AFF3: variants seen among roughly 807,000 people sequenced by gnomAD.
AFF3 encodes AF4/FMR2 family member 3.
AFF3 carries 32 observed loss-of-function variants against 129.7 expected under a neutral mutation model. That is an observed-to-expected ratio of 0.25 (90% CI 0.19 to 0.33). The LOEUF is 0.33. AFF3 is among the 10% of genes least tolerant of loss of function. The pLI is 1.00. For synonymous variants in AFF3, 644 were observed against 635.4 expected (o/e 1.01, Z -0.20); for missense variants, 1,373 against 1,592.0 (o/e 0.86, Z 2.34).
At chr2:99,706,945 G>C (rs1328757144) in intron 11 of AFF3, among the ~76,000 whole-genome samples, 1 of 152,104 alleles carries the variant, frequency 6.6e-6, no homozygotes, top group Non-Finnish European at 1.5e-5. Flanking sequence ...TAAAGTTTAC[G>C]GCACAGACAG....
chr2:99,620,178 T>C (rs532092686), intron 13 of AFF3, among the ~76,000 whole-genome samples: 1 of 152,176 alleles, frequency 6.6e-6, no homozygotes, highest in Non-Finnish European at 1.5e-5. Flanking sequence ...GAGAGAGGCA[T>C]TGGGCCTAGG....
At chr2:99,990,211 TA>T (rs147118485) in intron 7 of AFF3, among the ~76,000 whole-genome samples, 1,985 of 152,244 alleles carry the variant, frequency 0.013, 54 homozygotes, top group African/African-American at 0.045. Context: ...GGCCACTACT[TA>T]ATTGAATATA....
At chr2:99,661,302 C>T (rs569720576) in intron 12 of AFF3, among the ~76,000 whole-genome samples, 1 of 152,330 alleles carries the variant, frequency 6.6e-6, no homozygotes, top group South Asian at 2.1e-4. Flanking sequence ...TGCCTAACCC[C>T]TCTCCTGGCT....
chr2:99,757,103 C>T (rs1372205099), intron 8 of AFF3, among the ~76,000 whole-genome samples: 1 of 152,204 alleles, frequency 6.6e-6, no homozygotes, highest in South Asian at 2.1e-4. Flanking sequence ...AACTTCTTTT[C>T]TCTCACTGTT....
rs138373633 is a variant in AFF3 at position 99,916,434 on chromosome 2, G to A, written c.874-78910C>T. On this transcript the variant is annotated intron_variant, in intron 7 of 24. Transcript: ENST00000672756. ...GGAGGTCAGGGGATCTACATGCCTC[G>A]CCTCCTGCCATGTCCGCAACACCTA... Among the ~76,000 whole-genome samples the A allele has an allele frequency of 8.7e-3, 1,319 of 152,066 alleles. 21 individuals carry two copies. The highest frequency in any genetic ancestry group is 0.03 in the African/African-American group (1,231 of 41,460).
intron 2 of AFF3, among the ~76,000 whole-genome samples, chr2:100,119,323 C>A (rs1371502993): frequency 1.3e-5 from 2 of 152,142 alleles, no homozygotes; most frequent in Non-Finnish European, 2.9e-5. Flanking sequence ...GCCACTTGTC[C>A]CTGTTTTACA....
At chr2:99,787,653 C>T (rs1684900027) in intron 8 of AFF3, among the ~76,000 whole-genome samples, 1 of 152,176 alleles carries the variant, frequency 6.6e-6, no homozygotes, top group Non-Finnish European at 1.5e-5. Flanking sequence ...AGTCTACGTA[C>T]TTCTGACTGG....
chr2:99,549,572 G>C lies in AFF3; in HGVS notation c.*1902C>G, dbSNP rs528567117. On this transcript the variant is annotated 3_prime_UTR_variant, in exon 25 of 25. Coordinates refer to ENST00000672756, the MANE Select transcript of AFF3 (RefSeq NM_001386135.1). ...TGCACTCCAGCCTGGGCAACAGAGC[G>C]AAACTCGTCTCAAAAAAAAAGTGAA... 5.3e-6 allele frequency: 1 copy of C among 190,180 alleles called. No homozygotes were observed. The highest frequency in any genetic ancestry group is 6.2e-5 in the Admixed American group (1 of 16,244). 11.8% of individuals were successfully genotyped at this position (190,180 alleles called of 1,614,324 possible). A position where few individuals can be genotyped will look rare whatever the true frequency, so the allele number is the denominator to read the frequency against.
At chr2:99,843,862 G>A (rs1211798236) in intron 7 of AFF3, among the ~76,000 whole-genome samples, 1 of 152,128 alleles carries the variant, frequency 6.6e-6, no homozygotes, top group Non-Finnish European at 1.5e-5. Flanking sequence ...AAATGTTTGA[G>A]ATTTGTTTTT....
rs977491846 is a variant in AFF3 at position 99,774,340 on chromosome 2, T to A, written c.922-22039A>T. On this transcript the variant is annotated intron_variant, in intron 8 of 24. Transcript: ENST00000672756. ...GGCATCACACTGCCCAACTTTAAACTATAATACAAGACTACAGTAACCAAA... is the reference window on the plus strand; with the variant it reads ...GGCATCACACTGCCCAACTTTAAACAATAATACAAGACTACAGTAACCAAA... Among the ~76,000 whole-genome samples, 20 of 152,276 alleles carry A rather than the reference T, an allele frequency of 1.3e-4. No individual in the cohort carries two copies. In the East Asian group the frequency reaches 2.3e-3, roughly 18 times the overall value.
chr2:99,784,922 C>T (rs1449605648), intron 8 of AFF3, among the ~76,000 whole-genome samples: 1 of 152,184 alleles, frequency 6.6e-6, no homozygotes, highest in Non-Finnish European at 1.5e-5. Flanking sequence ...TTCCTCTTTG[C>T]AAATATGTCT....
At chr2:99,765,373 T>C (rs371035734) in intron 8 of AFF3, among the ~76,000 whole-genome samples, 3 of 152,146 alleles carry the variant, frequency 2.0e-5, no homozygotes, top group African/African-American at 7.2e-5. Context: ...CCACAGACAA[T>C]TTGGAAATGT....
chr2:99,568,830 T>G, intron 19 of AFF3, 22 bp downstream of exon 19: 1 of 1,611,736 alleles, frequency 6.2e-7, no homozygotes, highest in Non-Finnish European at 8.5e-7. Context: ...GAAGAACGTA[T>G]CTGGAAAGAA....
intron 7 of AFF3, among the ~76,000 whole-genome samples, chr2:99,850,954 A>G (rs932718427): frequency 2.0e-5 from 3 of 152,226 alleles, no homozygotes; most frequent in Admixed American, 6.5e-5. Flanking sequence ...AACCCTGTTT[A>G]TGTTATTTAA....
intron 7 of AFF3, among the ~76,000 whole-genome samples, chr2:99,988,827 A>G (rs1417535427): frequency 6.6e-6 from 1 of 152,166 alleles, no homozygotes; most frequent in African/African-American, 2.4e-5. Flanking sequence ...TGAATGTAAC[A>G]TGATCTGATT....
chr2:99,909,348 G>A (rs1156455779), intron 7 of AFF3, among the ~76,000 whole-genome samples: 2 of 134,932 alleles, frequency 1.5e-5, no homozygotes, highest in African/African-American at 5.5e-5. Flanking sequence ...GGGGTGAGGG[G>A]AGGGGGGAGG....
At chr2:99,734,220 T>C (rs1055203021) in intron 10 of AFF3, among the ~76,000 whole-genome samples, 2 of 152,206 alleles carry the variant, frequency 1.3e-5, no homozygotes, top group Non-Finnish European at 2.9e-5. Context: ...TTTTCAGTTG[T>C]TAGTGTAGGG....
chr2:99,842,735 T>C (rs1576161506), intron 7 of AFF3, among the ~76,000 whole-genome samples: 1 of 152,170 alleles, frequency 6.6e-6, no homozygotes, highest in East Asian at 1.9e-4. Flanking sequence ...TGGGTAAGTG[T>C]AGCTCGGGGA....
At chr2:99,557,978 C>T (rs2104537682) in intron 22 of AFF3, among the ~76,000 whole-genome samples, 1 of 152,268 alleles carries the variant, frequency 6.6e-6, no homozygotes, top group South Asian at 2.1e-4. Context: ...TAAGGTCGAC[C>T]TCACAACAGT....
Sources: allele counts gnomAD v4.1 joint callset (sites outside exome capture counted in the v4.1 genomes callset), GRCh38; gene constraint gnomAD v4.1.1; transcripts MANE v1.5; gene names NCBI Gene and HGNC (gene_info 2026-07-23, HGNC 2026-07-21).